DNAH14: variants seen among roughly 807,000 people sequenced by gnomAD.
DNAH14 encodes the protein dynein axonemal heavy chain 14.
A neutral mutation model predicts 520.9 loss-of-function variants in DNAH14; 478 were observed. The observed-to-expected ratio is 0.92, with a 90% CI of 0.85 to 0.99. The LOEUF (loss-of-function observed/expected upper bound fraction) is 0.99. DNAH14 is among the 50% of genes least tolerant of loss of function. The probability of loss-of-function intolerance (pLI) is 0.00; values close to 1 mark genes in which losing one functional copy is unlikely to be tolerated. For synonymous variants in DNAH14, 1,581 were observed against 1,757.2 expected, an observed-to-expected ratio of 0.90 and a Z score of 2.51; for missense variants, 4,831 against 5,234.5, an observed-to-expected ratio of 0.92 and a Z score of 2.38.
chr1:225,025,300 C>A (rs1300583987), intron 11 of DNAH14, among the ~76,000 whole-genome samples: 1 of 150,124 alleles, frequency 6.7e-6, no homozygotes, highest in Non-Finnish European at 1.5e-5. Flanking sequence ...CCACTCCACT[C>A]CAGCCTGGTC....
At chr1:225,129,328 T>A (rs1193213368) in intron 27 of DNAH14, among the ~76,000 whole-genome samples, 106 of 151,318 alleles carry the variant, frequency 7.0e-4, no homozygotes, top group African/African-American at 2.5e-3. Context: ...TTTAAAGTTC[T>A]TATGGAACCA....
intron 21 of DNAH14, among the ~76,000 whole-genome samples, chr1:225,091,776 G>T (rs1004269822): frequency 3.3e-5 from 5 of 152,042 alleles, no homozygotes; most frequent in African/African-American, 1.2e-4. Context: ...AAAAGGCAAA[G>T]AGTGGCAAGT....
chr1:225,095,798 C>G (rs899758784), intron 21 of DNAH14, among the ~76,000 whole-genome samples: 2 of 152,086 alleles, frequency 1.3e-5, no homozygotes, highest in African/African-American at 4.8e-5. Context: ...ACTATAGTTT[C>G]AGAAAGTAGA....
chr1:225,014,668 T>G (rs1449375531), intron 10 of DNAH14, among the ~76,000 whole-genome samples: 1 of 152,202 alleles, frequency 6.6e-6, no homozygotes, highest in African/African-American at 2.4e-5. Flanking sequence ...GATAAGATAC[T>G]TGATATGATT....
At chr1:225,234,430 C>T (rs760788010) in intron 42 of DNAH14, among the ~76,000 whole-genome samples, 39 of 152,244 alleles carry the variant, frequency 2.6e-4, no homozygotes, top group African/African-American at 7.0e-4. Context: ...CCTCATGATC[C>T]GCCCACCTCA....
chr1:225,346,720 G>C, intron 71 of DNAH14, 66 bp downstream of exon 71: 1 of 1,280,572 alleles, frequency 7.8e-7, no homozygotes, highest in Non-Finnish European at 1.1e-6. Context: ...TTCCTCTAAG[G>C]TGCTCCAAGT....
intron 47 of DNAH14, among the ~76,000 whole-genome samples, chr1:225,264,602 G>A (rs746501885): frequency 2.6e-5 from 4 of 152,052 alleles, no homozygotes; most frequent in Non-Finnish European, 5.9e-5. Flanking sequence ...CAATAGAAAA[G>A]GTATGATTCT....
At chr1:225,140,585 A>G (rs942355926) in intron 27 of DNAH14, 183 bp from the exon 28 acceptor site, 1 of 518,794 alleles carries the variant, frequency 1.9e-6, no homozygotes, top group East Asian at 3.2e-5. Flanking sequence ...CCCCATAAGC[A>G]TCAATCAGAA....
chr1:225,388,571 G>A (rs956859138), intron 82 of DNAH14, 80 bp downstream of exon 82: 1 of 752,320 alleles, frequency 1.3e-6, no homozygotes, highest in Non-Finnish European at 2.2e-6. Flanking sequence ...TCCCATGCTT[G>A]GTCTCCTTGG....
rs1020854504 is a variant in DNAH14 at position 225,392,460 on chromosome 1, A to C, written c.13491+9A>C. 7 of 1,551,584 alleles carry C rather than the reference A, an allele frequency of 4.5e-6. No individual in the cohort carries two copies. The highest frequency in any genetic ancestry group is 5.2e-6 in the Non-Finnish European group (6 of 1,146,930). On this transcript the variant is annotated intron_variant, in intron 84 of 85. Transcript: ENST00000682510. ...TCAGGAGAGCGTTTAAGGTACTGGA[A>C]TACTTCAAGGATTAGAAACGGTGAT...
In DNAH14 at chr1:225,152,698, T is replaced by G; in HGVS notation, c.5011T>G (p.Tyr1671Asp). Reference protein sequence around the residue: ...CAVFITMNPRYGGGVELPDNL... With the variant: ...CAVFITMNPRDGGGVELPDNL... ...GTTTGTTTTTCTTTTCCTCTTCAGA[T>G]ACGGAGGTGGAGTAGAGCTCCCAGA... is the stretch of plus-strand genomic sequence containing the variant. The change falls in exon 33 of 86, where the codon TAC (tyrosine) becomes GAC (aspartate). Residue 1671 changes from tyrosine to aspartate, a missense_variant and splice_region_variant. Coordinates refer to ENST00000682510, the MANE Select transcript of DNAH14 (RefSeq NM_001367479.1). The G allele has an allele frequency of 2.0e-6, 3 of 1,537,222 alleles. No individual in the cohort carries two copies. The highest frequency in any genetic ancestry group is 1.8e-6 in the Non-Finnish European group (2 of 1,141,624).
At chr1:225,376,000 A>G (rs549504374) in intron 78 of DNAH14, among the ~76,000 whole-genome samples, 1 of 152,232 alleles carries the variant, frequency 6.6e-6, no homozygotes, top group African/African-American at 2.4e-5. Flanking sequence ...AGGCCCGAGA[A>G]TCACCCGAAC....
chr1:225,119,409 C>T, intron 26 of DNAH14, 115 bp downstream of exon 26: 1 of 657,668 alleles, frequency 1.5e-6, no homozygotes. Flanking sequence ...TGAGAAATAT[C>T]CAGAAAAGAA....
Position 225,080,749 on chromosome 1 carries a change from G to A in DNAH14, c.3136+1G>A. ...CACATAATCTCGGTACTAGAAAAAG[G>A]TAAAAATGTGTTTCTCAAATTTTCC... On this transcript the variant is annotated splice_donor_variant, in intron 19 of 85. Coordinates refer to ENST00000682510, the MANE Select transcript of DNAH14 (RefSeq NM_001367479.1). LOFTEE classifies it high-confidence loss of function. The A allele has an allele frequency of 6.7e-7, 1 of 1,497,664 alleles. No homozygotes were observed. The highest frequency in any genetic ancestry group is 1.4e-5 in the South Asian group (1 of 73,356). The allele number at this position is 1,497,664 out of a possible 1,614,324, so 92.8% of individuals were successfully genotyped here.
At chr1:225,362,345 C>T (rs1396566214) in intron 75 of DNAH14, among the ~76,000 whole-genome samples, 2 of 152,192 alleles carry the variant, frequency 1.3e-5, no homozygotes, top group Admixed American at 1.3e-4. Context: ...GAGGCCAAGG[C>T]AGGCAGATCA....
chr1:225,150,856 T>C (rs1299708602), intron 31 of DNAH14, among the ~76,000 whole-genome samples: 2 of 151,960 alleles, frequency 1.3e-5, no homozygotes, highest in African/African-American at 2.4e-5. Flanking sequence ...GTATTACAGG[T>C]GGTGCCACCA....
At chr1:225,296,578 G>C (rs2094014104) in intron 55 of DNAH14, among the ~76,000 whole-genome samples, 1 of 150,206 alleles carries the variant, frequency 6.7e-6, no homozygotes, top group South Asian at 2.1e-4. Flanking sequence ...GGCTCTACCA[G>C]TGAGTGTTAT....
At chr1:225,316,109 G>A (rs970593812) in intron 60 of DNAH14, among the ~76,000 whole-genome samples, 2 of 152,214 alleles carry the variant, frequency 1.3e-5, no homozygotes, top group Non-Finnish European at 2.9e-5. Context: ...ACTGAGGTCG[G>A]CTCTGCCCAG....
intron 15 of DNAH14, among the ~76,000 whole-genome samples, chr1:225,050,001 C>T (rs10915763): frequency 0.042 from 6,378 of 152,232 alleles, 392 homozygotes; most frequent in African/African-American, 0.13. Flanking sequence ...CACCTCCACT[C>T]AATTACCTGT....
Sources: allele counts gnomAD v4.1 joint callset (sites outside exome capture counted in the v4.1 genomes callset), GRCh38; gene constraint gnomAD v4.1.1; transcripts MANE v1.5; gene names NCBI Gene and HGNC (gene_info 2026-07-23, HGNC 2026-07-21).